Variants in MAD1L1 observed in about 807,000 individuals in gnomAD.
MAD1L1 encodes mitotic spindle assembly checkpoint protein MAD1.
A neutral mutation model predicts 96.9 loss-of-function variants in MAD1L1; 95 were observed. The observed-to-expected ratio is 0.98, with a 90% CI of 0.83 to 1.16. The LOEUF (loss-of-function observed/expected upper bound fraction) is 1.16, where lower values mean the gene tolerates loss of function less well. Among genes scored for constraint, MAD1L1 ranks in the 50% most tolerant of loss-of-function variants. The probability of loss-of-function intolerance (pLI) is 0.00; values close to 1 mark genes in which losing one functional copy is unlikely to be tolerated. For synonymous variants in MAD1L1, 473 were observed against 396.6 expected, an observed-to-expected ratio of 1.19 and a Z score of -2.29; for missense variants, 1,007 against 954.4, an observed-to-expected ratio of 1.06 and a Z score of -0.73.
At chr7:1,888,649 T>C (rs370544752) in intron 18 of MAD1L1, among the ~76,000 whole-genome samples, 18 of 152,060 alleles carry the variant, frequency 1.2e-4, no homozygotes, top group African/African-American at 2.9e-4. Flanking sequence ...TGCCTGTGTG[T>C]GCGCGCATGT....
chr7:1,932,887 G>A (rs910215352), intron 17 of MAD1L1, among the ~76,000 whole-genome samples: 1 of 152,126 alleles, frequency 6.6e-6, no homozygotes, highest in Non-Finnish European at 1.5e-5. Flanking sequence ...CCATCTCGTT[G>A]TCTTTACTTT....
At chr7:2,019,609 T>TA (rs1260563505) in intron 12 of MAD1L1, among the ~76,000 whole-genome samples, 9 of 152,148 alleles carry the variant, frequency 5.9e-5, no homozygotes, top group Non-Finnish European at 1.0e-4. Flanking sequence ...GAGGGCCACT[T>TA]ACGGCCACAG....
Position 2,216,164 on chromosome 7 carries a change from G to T in MAD1L1, c.802C>A (p.His268Asn). ...TCCCCCGCAACCCCTCACCGCAGGT[G>T]CGCGCTCTCCTCCCGCAGCTGCTTC... ...ELKQLREESA[H>N]LREMRETNGL... The change falls in exon 8 of 19, where the codon CAC becomes AAC. Residue 268 changes from histidine to asparagine, a missense_variant. Transcript: ENST00000265854. The T allele has an allele frequency of 1.2e-6, 2 of 1,612,818 alleles. No individual in the cohort carries two copies. The highest frequency in any genetic ancestry group is 1.7e-6 in the Non-Finnish European group (2 of 1,179,852).
At chr7:1,838,529 A>G (rs1783055559) in intron 18 of MAD1L1, 1 of 340,764 alleles carries the variant, frequency 2.9e-6, no homozygotes, top group Non-Finnish European at 6.0e-6. Context: ...ACGTGGTCCA[A>G]TGTGAGCGAA....
intron 12 of MAD1L1, among the ~76,000 whole-genome samples, chr7:2,040,569 T>C (rs114749911): frequency 0.011 from 1,747 of 152,316 alleles, 37 homozygotes; most frequent in African/African-American, 0.039. Flanking sequence ...AAGTTTTTCT[T>C]TCCATTATTG....
At chr7:2,043,056 C>T (rs1158186164) in intron 12 of MAD1L1, among the ~76,000 whole-genome samples, 1 of 152,232 alleles carries the variant, frequency 6.6e-6, no homozygotes, top group Non-Finnish European at 1.5e-5. Flanking sequence ...AGACCCTACT[C>T]TCCACAATCT....
chr7:2,004,510 C>T (rs1781941849), intron 13 of MAD1L1, among the ~76,000 whole-genome samples: 1 of 152,214 alleles, frequency 6.6e-6, no homozygotes, highest in Non-Finnish European at 1.5e-5. Flanking sequence ...GCAGGGTCGT[C>T]CGGAAGCAGC....
chr7:1,904,839 T>C lies in MAD1L1; in HGVS notation c.1808-6449A>G, dbSNP rs116599792. On this transcript the variant is annotated intron_variant, in intron 17 of 18. Coordinates refer to ENST00000265854, the MANE Select transcript of MAD1L1 (RefSeq NM_001013836.2). ...CTGTTCCAGGCAAGCGAGGACGCAG[T>C]GGCCTATGGAAGACGCTCTTGCAGA... 8.0e-3 allele frequency among the ~76,000 whole-genome samples: 975 copies of C among 121,610 alleles called. 269 individuals carry two copies. Among genetic ancestry groups the C allele is most frequent in the African/African-American group, 0.036 (938 of 25,896 alleles). 79.8% of individuals were successfully genotyped at this position (121,610 alleles called of 152,430 possible).
At chr7:1,821,037 T>C (rs1208615809) in intron 18 of MAD1L1, among the ~76,000 whole-genome samples, 2 of 125,440 alleles carry the variant, frequency 1.6e-5, no homozygotes, top group African/African-American at 3.1e-5. Context: ...GCCGAGATCG[T>C]GCCACTGCAC....
At chr7:2,011,751 G>A (rs918239350) in intron 13 of MAD1L1, among the ~76,000 whole-genome samples, 8 of 152,198 alleles carry the variant, frequency 5.3e-5, no homozygotes, top group African/African-American at 1.7e-4. Context: ...CAGGCTCAGG[G>A]AACAGCCAGG....
intron 10 of MAD1L1, among the ~76,000 whole-genome samples, chr7:2,177,857 G>A (rs1791017076): frequency 6.6e-6 from 1 of 152,362 alleles, no homozygotes; most frequent in South Asian, 2.1e-4. Flanking sequence ...TGGCTCTGGA[G>A]AAGGACTGCA....
intron 10 of MAD1L1, among the ~76,000 whole-genome samples, chr7:2,152,267 C>T (rs938560909): frequency 2.6e-5 from 4 of 152,206 alleles, no homozygotes; most frequent in Admixed American, 6.5e-5. Context: ...CGACCAGGCC[C>T]CCATCATAGG....
chr7:2,051,671 G>A (rs1248843276), intron 12 of MAD1L1, among the ~76,000 whole-genome samples: 2 of 56,294 alleles, frequency 3.6e-5, no homozygotes, highest in African/African-American at 7.3e-5. Flanking sequence ...TGCGCCTGCC[G>A]GGTCACCTCG....
chr7:2,214,824 A>G (rs1446649555), intron 9 of MAD1L1, among the ~76,000 whole-genome samples: 1 of 152,182 alleles, frequency 6.6e-6, no homozygotes, highest in Non-Finnish European at 1.5e-5. Context: ...GAACACCCCC[A>G]GCACAGGGCC....
At chr7:1,854,593 C>T (rs1019259978) in intron 18 of MAD1L1, among the ~76,000 whole-genome samples, 1 of 152,150 alleles carries the variant, frequency 6.6e-6, no homozygotes, top group Non-Finnish European at 1.5e-5. Context: ...ACCCTACCAC[C>T]TCAGCACCTC....
rs191282192 is a variant in MAD1L1, at chr7:2,191,019, G to A, written c.986+22193C>T. On this transcript the variant is annotated intron_variant, in intron 10 of 18. Coordinates refer to ENST00000265854, the MANE Select transcript of MAD1L1 (RefSeq NM_001013836.2). ...TACATAAAGAGACTTCAATACAAAT[G>A]TTCACAGAATCTTTATCTGCAAGAG... is the stretch of plus-strand genomic sequence containing the variant. Among the ~76,000 whole-genome samples the A allele has an allele frequency of 1.2e-3, 188 of 152,270 alleles. 1 individual carries two copies. Among genetic ancestry groups the A allele is most frequent in the African/African-American group, 4.1e-3 (170 of 41,562 alleles).
chr7:1,985,167 T>G (rs1046293084), intron 14 of MAD1L1, among the ~76,000 whole-genome samples: 1 of 152,190 alleles, frequency 6.6e-6, no homozygotes, highest in African/African-American at 2.4e-5. Flanking sequence ...GATCAGCATT[T>G]GAATCGGGGA....
chr7:2,172,217 C>A (rs1790739798), intron 10 of MAD1L1, among the ~76,000 whole-genome samples: 1 of 152,198 alleles, frequency 6.6e-6, no homozygotes, highest in African/African-American at 2.4e-5. Context: ...TTATTCCTCA[C>A]CACACAGCTT....
At chr7:2,198,880 GA>G (rs1376401496) in intron 10 of MAD1L1, among the ~76,000 whole-genome samples, 1 of 152,254 alleles carries the variant, frequency 6.6e-6, no homozygotes, top group Non-Finnish European at 1.5e-5. Context: ...CCAAGCTACA[GA>G]ATAGGGTTCC....
Sources: gnomAD v4.1 joint callset for allele counts (sites outside exome capture counted in the v4.1 genomes callset) on GRCh38, gnomAD v4.1.1 for gene constraint, MANE v1.5 for transcripts, NCBI Gene and HGNC (gene_info 2026-07-23, HGNC 2026-07-21) for gene names.